Variants in NPHP1 observed in about 807,000 individuals in gnomAD.
The protein encoded by NPHP1 is nephrocystin 1.
In NPHP1, 70 loss-of-function variants were observed where a neutral mutation model predicts 90.4. The observed-to-expected ratio is 0.77, with a 90% CI of 0.64 to 0.95. NPHP1 has a LOEUF of 0.95. NPHP1 is among the 40% of genes least tolerant of loss of function. The pLI, the probability that NPHP1 is intolerant of heterozygous loss-of-function variation, is 0.00. For synonymous variants in NPHP1, 256 were observed against 271.7 expected (o/e 0.94, Z 0.57); for missense variants, 764 against 795.9 (o/e 0.96, Z 0.48).
chr2:110,184,517 G>A (rs535518817), intron 2 of NPHP1: 48 of 1,178,828 alleles, frequency 4.1e-5, no homozygotes, highest in South Asian at 3.8e-4. Flanking sequence ...GCAGGACCAC[G>A]GGGGTGGTGC....
At chr2:110,184,885 G>T in intron 2 of NPHP1, 1 of 694,578 alleles carries the variant, frequency 1.4e-6, no homozygotes, top group Non-Finnish European at 2.7e-6. Context: ...TGATCAGGGA[G>T]GAGAGTGAAG....
In NPHP1 at chr2:110,129,285, T is replaced by A. The variant is rs766300820; in HGVS notation, c.1643-26A>T. ...CTGAAATGCAAAACAACAGAAAGAA[T>A]TTTATGCAAACTTCACTCAATGGAT... On this transcript the variant is annotated intron_variant, in intron 17 of 19. Transcript: ENST00000445609. 65 of 1,562,442 alleles carry A rather than the reference T, an allele frequency of 4.2e-5. 2 individuals are homozygous for A. Among genetic ancestry groups the A allele is most frequent in the Non-Finnish European group, 7.9e-6 (9 of 1,133,966 alleles).
At chr2:110,160,994 C>A (rs1682270231) in intron 10 of NPHP1, among the ~76,000 whole-genome samples, 1 of 152,038 alleles carries the variant, frequency 6.6e-6, no homozygotes, top group South Asian at 2.1e-4. Flanking sequence ...GGCAAAACCC[C>A]ATCTTTACAA....
chr2:110,124,201 C>T, intron 19 of NPHP1, 138 bp from the exon 20 acceptor site: 1 of 912,202 alleles, frequency 1.1e-6, no homozygotes, highest in South Asian at 1.4e-5. Context: ...TCTGAGCCAG[C>T]TGCTCAGGCA....
At position 110,123,923 on chromosome 2, in the gene NPHP1, GTCAGTGATAACTTTCCACCGT is replaced by G. The variant is rs761682436; in HGVS notation, c.1881_1901del (p.Arg628_Asp634del). On this transcript the variant is annotated inframe_deletion, in exon 20 of 20. Transcript: ENST00000445609. ...GGTTTTCTTGGTTTTGCTTAAGGAA[GTCAGTGATAACTTTCCACCGT>G]GCAGTCTCAGTCTCTTCTTCTGCCC... 5 of 1,614,012 alleles carry G rather than the reference GTCAGTGATAACTTTCCACCGT, an allele frequency of 3.1e-6. No homozygotes were observed. The highest frequency in any genetic ancestry group is 4.2e-6 in the Non-Finnish European group (5 of 1,180,020).
chr2:110,202,947 T>G (rs2104720116), intron 1 of NPHP1, among the ~76,000 whole-genome samples: 1 of 152,172 alleles, frequency 6.6e-6, no homozygotes, highest in Admixed American at 6.5e-5. Context: ...AAAGAAATGA[T>G]TCTACCAAAA....
intron 2 of NPHP1, among the ~76,000 whole-genome samples, chr2:110,195,809 T>C (rs1219152133): frequency 1.3e-5 from 2 of 152,074 alleles, no homozygotes; most frequent in Non-Finnish European, 2.9e-5. Flanking sequence ...AACAGAGATA[T>C]AGACCTATGG....
chr2:110,125,352 A>T (rs1679275174), intron 19 of NPHP1: 2 of 1,511,566 alleles, frequency 1.3e-6, no homozygotes, highest in East Asian at 4.9e-5. Context: ...AATAAAAGAA[A>T]TTTGATACAC....
At position 110,123,987 on chromosome 2, in the gene NPHP1, C is replaced by A. The variant is rs566866150; in HGVS notation, c.1838G>T (p.Arg613Leu). 2 of 1,613,852 alleles carry A rather than the reference C, an allele frequency of 1.2e-6. No individual in the cohort carries two copies. The highest frequency in any genetic ancestry group is 8.5e-7 in the Non-Finnish European group (1 of 1,179,904). ...DCVLPLLHSTRLPPFRWAEEE... is the reference protein window; with the variant it reads ...DCVLPLLHSTLLPPFRWAEEE... The stretch of plus-strand genomic sequence containing the variant: ...TTCTGCCCACCTGAATGGGGGTAGG[C>A]GTGTGGAGTGGAGAAGTGGGAGCAC... Residue 613 changes from arginine to leucine, a missense_variant, in exon 20 of 20, where the codon CGC (arginine) becomes CTC (leucine). Physicochemically the swap from Arg to Leu is moderately radical, Grantham distance 102. Coordinates refer to ENST00000445609, the MANE Select transcript of NPHP1 (RefSeq NM_001128178.3).
chr2:110,173,226 C>T (rs532810539), intron 4 of NPHP1, among the ~76,000 whole-genome samples: 2 of 151,988 alleles, frequency 1.3e-5, no homozygotes, highest in South Asian at 2.1e-4. Context: ...CGTGAGCCAC[C>T]GCACCTGGCC....
At chr2:110,170,255 C>A (rs566264005) in intron 4 of NPHP1, among the ~76,000 whole-genome samples, 59 of 152,248 alleles carry the variant, frequency 3.9e-4, no homozygotes, top group Non-Finnish European at 6.6e-4. Flanking sequence ...ACTCCGAATT[C>A]AAGTCTTGGA....
chr2:110,180,674 T>C lies in NPHP1; in HGVS notation c.144-990A>G, dbSNP rs981855523. On this transcript the variant is annotated intron_variant, in intron 2 of 19. Transcript: ENST00000445609. ...GCAAACACCTTGACCCATGAGAATG[T>C]AGAAAAGCCAGGGAACAAGGGGAAC... Among the ~76,000 whole-genome samples the C allele has an allele frequency of 1.0e-3, 154 of 152,040 alleles. 1 individual carries two copies. Among genetic ancestry groups the C allele is most frequent in the Non-Finnish European group, 1.9e-3 (130 of 67,964 alleles).
intron 11 of NPHP1, among the ~76,000 whole-genome samples, chr2:110,158,444 G>A (rs755130089): frequency 5.3e-5 from 8 of 151,870 alleles, no homozygotes; most frequent in East Asian, 3.9e-4. Context: ...TGACTTTGTC[G>A]GTTTCTCTTT....
chr2:110,143,353 A>G (rs1288626994), intron 16 of NPHP1, among the ~76,000 whole-genome samples, 189 bp downstream of exon 16: 2 of 152,210 alleles, frequency 1.3e-5, no homozygotes, highest in Admixed American at 1.3e-4. Flanking sequence ...AGAGCTAACT[A>G]GTAAATAGAA....
intron 2 of NPHP1, chr2:110,184,980 G>A (rs915068989): frequency 2.2e-5 from 14 of 633,466 alleles, no homozygotes; most frequent in Admixed American, 2.2e-4. Context: ...GTCCTCTTGG[G>A]AGGCTCTACC....
At chr2:110,180,125 G>T (rs1159805292) in intron 2 of NPHP1, among the ~76,000 whole-genome samples, 1 of 152,114 alleles carries the variant, frequency 6.6e-6, no homozygotes, top group Admixed American at 6.6e-5. Context: ...TAAAGAAAGA[G>T]AAGTTCTACA....
intron 6 of NPHP1, among the ~76,000 whole-genome samples, chr2:110,167,919 A>G (rs1682829264): frequency 6.6e-6 from 1 of 152,198 alleles, no homozygotes; most frequent in Non-Finnish European, 1.5e-5. Context: ...CAGAAGTGGC[A>G]TCAGCAAAAA....
chr2:110,202,125 A>G (rs36086413), intron 1 of NPHP1, among the ~76,000 whole-genome samples: 49,723 of 151,908 alleles, frequency 0.33, 8,651 homozygotes, highest in East Asian at 0.58. Context: ...ATTCCTTCTC[A>G]TTACTGAGTG....
intron 16 of NPHP1, among the ~76,000 whole-genome samples, chr2:110,136,481 G>C (rs944218074): frequency 6.6e-6 from 1 of 152,058 alleles, no homozygotes; most frequent in African/African-American, 2.4e-5. Context: ...AAAGTCTTAG[G>C]GTACAAAATC....
Sources: gnomAD v4.1 joint callset for allele counts (sites outside exome capture counted in the v4.1 genomes callset) on GRCh38, gnomAD v4.1.1 for gene constraint, MANE v1.5 for transcripts, NCBI Gene and HGNC (gene_info 2026-07-23, HGNC 2026-07-21) for gene names.